Variants in CTDSPL observed in about 807,000 individuals in gnomAD.
CTDSPL encodes CTD small phosphatase like.
A neutral mutation model predicts 30.5 loss-of-function variants in CTDSPL; 8 were observed. The observed-to-expected ratio is 0.26, with a 90% confidence interval of 0.15 to 0.47. The LOEUF is 0.47. Ranked by LOEUF, CTDSPL falls within the 20% of genes least tolerant of loss-of-function variation. The pLI is 0.99. For synonymous variants in CTDSPL, 110 were observed against 137.9 expected (o/e 0.80, Z 1.42); for missense variants, 248 against 366.1 (o/e 0.68, Z 2.63).
chr3:37,906,145 T>A (rs1041229223), intron 1 of CTDSPL, among the ~76,000 whole-genome samples: 1 of 152,220 alleles, frequency 6.6e-6, no homozygotes, highest in Admixed American at 6.5e-5. Context: ...GGGGACTCTA[T>A]GAATGGGCTT....
intron 1 of CTDSPL, among the ~76,000 whole-genome samples, chr3:37,927,738 G>A (rs1264121797): frequency 6.7e-6 from 1 of 148,626 alleles, no homozygotes; most frequent in Non-Finnish European, 1.5e-5. Flanking sequence ...AAGTTTTTAA[G>A]TGAACAGTAC....
chr3:37,950,273 C>T (rs1353668793), intron 2 of CTDSPL, among the ~76,000 whole-genome samples: 1 of 152,102 alleles, frequency 6.6e-6, no homozygotes, highest in Non-Finnish European at 1.5e-5. Context: ...CCTGCACAGA[C>T]ACTAAGGGAA....
chr3:37,879,582 T>C (rs1286163623), intron 1 of CTDSPL, among the ~76,000 whole-genome samples: 3 of 152,228 alleles, frequency 2.0e-5, no homozygotes, highest in Non-Finnish European at 4.4e-5. Context: ...ACTGTACATA[T>C]ACTGGTTCCT....
chr3:37,901,843 G>A (rs1698453965), intron 1 of CTDSPL, among the ~76,000 whole-genome samples: 1 of 152,194 alleles, frequency 6.6e-6, no homozygotes, highest in Non-Finnish European at 1.5e-5. Context: ...GCTTAAATAT[G>A]TAGGTAGTTA....
chr3:37,979,180 G>C (rs1699461473), intron 7 of CTDSPL, among the ~76,000 whole-genome samples: 1 of 152,110 alleles, frequency 6.6e-6, no homozygotes, highest in African/African-American at 2.4e-5. Flanking sequence ...TTGAATGCCA[G>C]GCTTGGTGGC....
intron 3 of CTDSPL, among the ~76,000 whole-genome samples, chr3:37,958,571 A>G (rs987550319): frequency 3.6e-4 from 55 of 152,206 alleles, no homozygotes; most frequent in African/African-American, 1.3e-3. Context: ...AGTGCAGAAC[A>G]AAAGCACTTG....
intron 1 of CTDSPL, among the ~76,000 whole-genome samples, chr3:37,872,014 A>G (rs1395673899): frequency 6.6e-6 from 1 of 151,922 alleles, no homozygotes; most frequent in Non-Finnish European, 1.5e-5. Flanking sequence ...TTCTTTGCTG[A>G]GGCTCTGTCT....
At chr3:37,960,480 CAAAAAAAAAAAA>C (rs1208033395) in intron 3 of CTDSPL, among the ~76,000 whole-genome samples, 1 of 4,914 alleles carries the variant, frequency 2.0e-4, no homozygotes, top group African/African-American at 1.1e-3. Flanking sequence ...AACTCTGTCT[CAAAAAAAAAAAA>C]AAAAAAAAAA....
chr3:37,978,477 C>A (rs1162003986), intron 7 of CTDSPL, among the ~76,000 whole-genome samples: 1 of 152,146 alleles, frequency 6.6e-6, no homozygotes, highest in East Asian at 1.9e-4. Context: ...ACAGCTTATA[C>A]ACATAGCCTA....
In CTDSPL at chr3:37,929,945, TA is replaced by T. The variant is rs369714121; in HGVS notation, c.80-17107del. Among the ~76,000 whole-genome samples the T allele has an allele frequency of 1.1e-4, 17 of 152,026 alleles. No individual in the cohort carries two copies. In the East Asian group the frequency reaches 3.1e-3, roughly 28 times the overall value. Reference sequence around the variant, plus strand: ...CAACATGATGAAACCCTGTCTCAACTAAAAATACAAAAATTAGCTGGGCATG... The same window carrying T: ...CAACATGATGAAACCCTGTCTCAACTAAAATACAAAAATTAGCTGGGCATG... On this transcript the variant is annotated intron_variant, in intron 1 of 7. Coordinates refer to ENST00000273179, the MANE Select transcript of CTDSPL (RefSeq NM_001008392.2).
At chr3:37,912,792 T>C (rs1430275411) in intron 1 of CTDSPL, among the ~76,000 whole-genome samples, 1 of 152,226 alleles carries the variant, frequency 6.6e-6, no homozygotes, top group Non-Finnish European at 1.5e-5. Context: ...CAAGTCTAGT[T>C]TGCTGTTTCT....
intron 1 of CTDSPL, among the ~76,000 whole-genome samples, chr3:37,863,015 CTG>C (rs1447452038): frequency 6.6e-6 from 1 of 152,164 alleles, no homozygotes; most frequent in Non-Finnish European, 1.5e-5. Context: ...GTGTGCCTTC[CTG>C]TGTATCAGAC....
At chr3:37,972,215 G>A (rs1018149348) in intron 6 of CTDSPL, among the ~76,000 whole-genome samples, 1 of 152,166 alleles carries the variant, frequency 6.6e-6, no homozygotes, top group African/African-American at 2.4e-5. Flanking sequence ...GATGATGATA[G>A]GCCGGGCGCG....
chr3:37,906,917 C>T (rs1466401599), intron 1 of CTDSPL, among the ~76,000 whole-genome samples: 2 of 151,676 alleles, frequency 1.3e-5, no homozygotes, highest in African/African-American at 2.4e-5. Context: ...GAGGTACAAA[C>T]GAAGGCGTCT....
At chr3:37,897,371 C>A (rs1698401132) in intron 1 of CTDSPL, among the ~76,000 whole-genome samples, 1 of 152,080 alleles carries the variant, frequency 6.6e-6, no homozygotes. Context: ...TCTGGATAAT[C>A]CCAATTTATT....
chr3:37,981,977 A>G lies in CTDSPL; in HGVS notation c.*1110A>G, dbSNP rs1377004117. ...AGCTACAAACTCGGACAGGGTCAGA[A>G]ACAGAGGTGTCCCATCCCATTGCAG... On this transcript the variant is annotated 3_prime_UTR_variant, in exon 8 of 8. Coordinates refer to ENST00000273179, the MANE Select transcript of CTDSPL (RefSeq NM_001008392.2). 2 of 447,698 alleles carry G rather than the reference A, an allele frequency of 4.5e-6. No homozygotes were observed. The highest frequency in any genetic ancestry group is 9.1e-6 in the Non-Finnish European group (2 of 220,782). The allele number at this position is 447,698 out of a possible 1,614,324, so 27.7% of individuals were successfully genotyped here.
In CTDSPL at chr3:37,947,325, G is replaced by A. The variant is rs9822148; in HGVS notation, c.234+114G>A. On this transcript the variant is annotated intron_variant, in intron 2 of 7. Coordinates refer to ENST00000273179, the MANE Select transcript of CTDSPL (RefSeq NM_001008392.2). ...TGCAGAGCCAGGCGTGGTGGCTCACGTCTGTAATATCAGCACTGAGGTCAG... is the reference window on the plus strand; with the variant it reads ...TGCAGAGCCAGGCGTGGTGGCTCACATCTGTAATATCAGCACTGAGGTCAG... 5.2e-3 allele frequency: 6,459 copies of A among 1,234,310 alleles called. 241 individuals carry two copies. The African/African-American group carries it at 0.084, about 16-fold the overall frequency. The allele number at this position is 1,234,310 out of a possible 1,614,324, so 76.5% of individuals were successfully genotyped here. A position where few individuals can be genotyped will look rare whatever the true frequency, so the allele number is the denominator to read the frequency against.
At position 37,969,028 on chromosome 3, in the gene CTDSPL, A is replaced by C. The variant is rs893290421; in HGVS notation, c.426+1146A>C. ...ACACTTCATGCTTTTAAAAGCCATC[A>C]CAGAGCCAAAACGGCAGGCACTTGG... On this transcript the variant is annotated intron_variant, in intron 5 of 7. Coordinates refer to ENST00000273179, the MANE Select transcript of CTDSPL (RefSeq NM_001008392.2). 5.3e-5 allele frequency among the ~76,000 whole-genome samples: 8 copies of C among 152,202 alleles called. No individual in the cohort carries two copies. In the South Asian group the frequency reaches 8.3e-4, roughly 16 times the overall value.
Position 37,932,505 on chromosome 3 carries a change from CA to C in CTDSPL, c.80-14545del, listed in dbSNP as rs1157677381. On this transcript the variant is annotated intron_variant, in intron 1 of 7. Coordinates refer to ENST00000273179, the MANE Select transcript of CTDSPL (RefSeq NM_001008392.2). ...ATCAAAGAAAAAATAGAAAAATGGG[CA>C]AAAAAAGTATATAAGCAGAGTTCTC... 2.0e-5 allele frequency among the ~76,000 whole-genome samples: 3 copies of C among 151,820 alleles called. No homozygotes were observed. In the East Asian group the frequency reaches 5.8e-4, roughly 29 times the overall value.
Sources: gnomAD v4.1 joint callset for allele counts (sites outside exome capture counted in the v4.1 genomes callset) on GRCh38, gnomAD v4.1.1 for gene constraint, MANE v1.5 for transcripts, NCBI Gene and HGNC (gene_info 2026-07-23, HGNC 2026-07-21) for gene names.